The following KLK13 variants were observed in gnomAD, a reference collection of about 807,000 sequenced individuals.
KLK13 encodes the protein kallikrein-13.
Under a neutral mutation model 22.4 loss-of-function variants are expected in KLK13, and 19 were observed. The ratio of observed to expected loss-of-function variants is 0.85; its 90% confidence interval spans 0.59 to 1.24. The LOEUF (loss-of-function observed/expected upper bound fraction) is 1.24, where lower values mean the gene tolerates loss of function less well. Ranked by LOEUF, KLK13 falls within the 50% of genes most tolerant of loss-of-function variation. The pLI, the probability that KLK13 is intolerant of heterozygous loss-of-function variation, is 0.00. For missense variants in KLK13, 311 were observed against 347.9 expected, an observed-to-expected ratio of 0.89 and a Z score of 0.84; for synonymous variants, 156 against 141.8, an observed-to-expected ratio of 1.10 and a Z score of -0.71.
rs776137151 is a variant in KLK13, at chr19:51,060,570, C to A, written c.102G>T (p.Gly34=). The A allele has an allele frequency of 6.2e-7, 1 of 1,613,390 alleles. No individual in the cohort carries two copies. The highest frequency in any genetic ancestry group is 8.5e-7 in the Non-Finnish European group (1 of 1,179,614). ...AGCAGGTGTAGCCACCTGGGAGAAA[C>A]CCACTGGTCCCATTGGTGTTGAGAA... is the stretch of plus-strand genomic sequence containing the variant. ...SKVLNTNGTS[G]FLPGGYTCFP... is the part of the protein sequence containing the mutation. Residue 34 remains glycine (G), a synonymous_variant, in exon 2 of 5, where the codon GGG becomes GGT. Coordinates refer to ENST00000595793, the MANE Select transcript of KLK13 (RefSeq NM_015596.3).
chr19:51,062,713 GA>G (rs138501739), intron 1 of KLK13, among the ~76,000 whole-genome samples: 14,229 of 152,180 alleles, frequency 0.094, 895 homozygotes, highest in Non-Finnish European at 0.13. Flanking sequence ...CTGTCAAGTA[GA>G]AAAAGTAATA....
chr19:51,056,968 AAC>A (rs2091681669), intron 4 of KLK13, among the ~76,000 whole-genome samples, 193 bp from the exon 5 acceptor site: 2 of 152,190 alleles, frequency 1.3e-5, no homozygotes, highest in Admixed American at 6.5e-5. Context: ...CAAGAAGACA[AAC>A]ACAGAGGGAC....
At chr19:51,063,991 G>T in intron 1 of KLK13, 1 of 366,250 alleles carries the variant, frequency 2.7e-6, no homozygotes, top group Non-Finnish European at 5.4e-6. Context: ...CAGCACAGTG[G>T]CCGGTGTTTA....
intron 4 of KLK13, among the ~76,000 whole-genome samples, chr19:51,058,116 C>T (rs2091692402): frequency 6.6e-6 from 1 of 152,058 alleles, no homozygotes; most frequent in Non-Finnish European, 1.5e-5. Context: ...AGAATGAAGC[C>T]AAAACAGAAT....
rs764178087 is a variant in KLK13 at position 51,060,554 on chromosome 19, A to G, written c.118T>C (p.Tyr40His). 1 of 1,613,858 alleles carries G rather than the reference A, an allele frequency of 6.2e-7. No homozygotes were observed. Among genetic ancestry groups the G allele is most frequent in the South Asian group, 1.1e-5 (1 of 91,028 alleles). Residue 40 changes from tyrosine to histidine, a missense_variant, in exon 2 of 5, where the codon TAC (tyrosine) becomes CAC (histidine). By Grantham distance (83) the Tyr-to-His change is moderately conservative. Transcript: ENST00000595793. ...GGCTGAGAGTGGGGGAAGCAGGTGT[A>G]GCCACCTGGGAGAAACCCACTGGTC... Reference protein sequence around the residue: ...NGTSGFLPGGYTCFPHSQPWQ... With the variant: ...NGTSGFLPGGHTCFPHSQPWQ...
intron 1 of KLK13, chr19:51,063,668 A>T: frequency 2.2e-6 from 1 of 456,710 alleles, no homozygotes; most frequent in Non-Finnish European, 4.4e-6. Flanking sequence ...TGGCACGGGC[A>T]TGAATCCAGG....
intron 2 of KLK13, 152 bp from the exon 3 acceptor site, chr19:51,060,245 C>A: frequency 8.9e-7 from 1 of 1,117,912 alleles, no homozygotes; most frequent in Non-Finnish European, 1.3e-6. Context: ...AACTTCAATC[C>A]CATCCAAATC....
chr19:51,059,680 T>C (rs1426372850), intron 3 of KLK13, 145 bp downstream of exon 3: 1 of 438,284 alleles, frequency 2.3e-6, no homozygotes, highest in African/African-American at 2.1e-5. Flanking sequence ...ATATAAAGGA[T>C]ACAGCTAACT....
chr19:51,064,793 G>T, intron 1 of KLK13: 1 of 620,894 alleles, frequency 1.6e-6, no homozygotes, highest in South Asian at 1.8e-5. Flanking sequence ...TGCTGCGAGG[G>T]TATTTTGGGA....
intron 1 of KLK13, chr19:51,063,965 C>G: frequency 2.5e-6 from 1 of 402,888 alleles, no homozygotes; most frequent in Admixed American, 2.8e-5. Flanking sequence ...GACTGTGTCT[C>G]TGCTTGTACA....
chr19:51,055,991 A>C lies in KLK13; in HGVS notation c.*596T>G, dbSNP rs1488800165. Among the ~76,000 whole-genome samples the C allele has an allele frequency of 6.6e-6, 1 of 152,114 alleles. No individual in the cohort carries two copies. The highest frequency in any genetic ancestry group is 1.5e-5 in the Non-Finnish European group (1 of 68,020). On this transcript the variant is annotated 3_prime_UTR_variant, in exon 5 of 5. Transcript: ENST00000595793. ...TAGGTTGGGTTGGGACTTCTGAGAC[A>C]CCCATAACAGTGTGAGAATGAAATA...
Position 51,056,750 on chromosome 19 carries a change from C to T in KLK13, c.671G>A (p.Cys224Tyr), listed in dbSNP as rs750275912. 3 of 1,613,998 alleles carry T rather than the reference C, an allele frequency of 1.9e-6. No individual in the cohort carries two copies. The highest frequency in any genetic ancestry group is 3.3e-5 in the Admixed American group (2 of 60,004). ...CEGDSGGPLVCNRTLYGIVSW... is the reference protein window; with the variant it reads ...CEGDSGGPLVYNRTLYGIVSW... Reference sequence around the variant, plus strand: ...GACGATGCCATACAGTGTTCTGTTACAGACCAGGGGGCCCCCAGAGTCACC... The same window carrying T: ...GACGATGCCATACAGTGTTCTGTTATAGACCAGGGGGCCCCCAGAGTCACC... Residue 224 changes from cysteine (C) to tyrosine (Y), a missense_variant, in exon 5 of 5, where the codon TGT becomes TAT. Cys to Tyr is a radical substitution (Grantham distance 194). Transcript: ENST00000595793.
intron 2 of KLK13, 133 bp downstream of exon 2, chr19:51,060,300 C>T (rs2091715499): frequency 8.9e-7 from 1 of 1,129,206 alleles, no homozygotes; most frequent in Non-Finnish European, 1.2e-6. Flanking sequence ...ATATCTCAAC[C>T]CCAAACCTCA....
chr19:51,058,905 A>G (rs1428083373), intron 3 of KLK13, among the ~76,000 whole-genome samples: 1 of 152,006 alleles, frequency 6.6e-6, no homozygotes, highest in East Asian at 1.9e-4. Context: ...AGGGAAGGAC[A>G]AGGAGGGAAG....
In KLK13 at chr19:51,056,653, C is replaced by A; in HGVS notation, c.768G>T (p.Leu256=). 6.2e-7 allele frequency: 1 copy of A among 1,614,212 alleles called. No individual in the cohort carries two copies. Among genetic ancestry groups the A allele is most frequent in the Non-Finnish European group, 8.5e-7 (1 of 1,180,038 alleles). ...ATTTTCGGATTGTTTCACGGATCCA[C>A]AGGACGTATCTTGAGACACGGGTGT... ...GVYTRVSRYV[L]WIRETIRKYE... is the part of the protein sequence containing the mutation. The change falls in exon 5 of 5, where the codon CTG becomes CTT. Residue 256 remains leucine, a synonymous_variant. Coordinates refer to ENST00000595793, the MANE Select transcript of KLK13 (RefSeq NM_015596.3).
intron 2 of KLK13, 106 bp from the exon 3 acceptor site, chr19:51,060,199 A>G: frequency 7.3e-7 from 1 of 1,371,032 alleles, no homozygotes; most frequent in Non-Finnish European, 1.0e-6. Flanking sequence ...TCTCCATCCT[A>G]CCTTCCTCAT....
At chr19:51,059,694 AATAT>A (rs1403792262) in intron 3 of KLK13, 127 bp downstream of exon 3, 5 of 527,956 alleles carry the variant, frequency 9.5e-6, no homozygotes, top group Non-Finnish European at 1.4e-5. Context: ...GCTAACTTTA[AATAT>A]ATATATTTAT....
intron 3 of KLK13, 124 bp downstream of exon 3, chr19:51,059,701 A>G (rs2091707700): frequency 1.8e-6 from 1 of 555,114 alleles, no homozygotes; most frequent in African/African-American, 2.0e-5. Flanking sequence ...TTAAATATAT[A>G]TATTTATTTA....
rs923246629 is a variant in KLK13, at chr19:51,060,530, G to A, written c.142C>T (p.Pro48Ser). 3 of 1,613,854 alleles carry A rather than the reference G, an allele frequency of 1.9e-6. No homozygotes were observed. The highest frequency in any genetic ancestry group is 1.7e-6 in the Non-Finnish European group (2 of 1,179,896). ...TGCACTAGTAGGGCAGCCTGCCAGG[G>A]CTGAGAGTGGGGGAAGCAGGTGTAG... is the stretch of plus-strand genomic sequence containing the variant. ...GGYTCFPHSQPWQAALLVQGR... is the reference protein window; with the variant it reads ...GGYTCFPHSQSWQAALLVQGR... The change falls in exon 2 of 5, where the codon CCC (proline) becomes TCC (serine). Residue 48 changes from proline to serine, a missense_variant. Physicochemically the swap from Pro to Ser is moderately conservative, Grantham distance 74. Transcript: ENST00000595793.
Sources: gnomAD v4.1 joint callset for allele counts (sites outside exome capture counted in the v4.1 genomes callset) on GRCh38, gnomAD v4.1.1 for gene constraint, MANE v1.5 for transcripts, NCBI Gene and HGNC (gene_info 2026-07-23, HGNC 2026-07-21) for gene names.